Variants in TASP1 observed in about 807,000 individuals in gnomAD.
TASP1 encodes the protein taspase 1, also known as threonine aspartase 1.
In TASP1, 16 loss-of-function variants were observed where a neutral mutation model predicts 56.6. That is an observed-to-expected ratio of 0.28 (90% CI 0.19 to 0.43). TASP1 has a LOEUF of 0.43. TASP1 is among the 20% of genes least tolerant of loss of function. The pLI is 1.00. For synonymous variants in TASP1, 179 were observed against 184.2 expected, an observed-to-expected ratio of 0.97 and a Z score of 0.23; for missense variants, 393 against 511.6, an observed-to-expected ratio of 0.77 and a Z score of 2.24.
At chr20:13,298,953 T>C in the TASP1 span, 1 of 1,613,438 alleles carries the variant, frequency 6.2e-7, no homozygotes, top group Non-Finnish European at 8.5e-7. Context: ...CACAGACAGC[T>C]GTGAGCGCTG....
chr20:13,512,024 G>C (rs900675199), intron 10 of TASP1, among the ~76,000 whole-genome samples: 1 of 151,990 alleles, frequency 6.6e-6, no homozygotes, highest in Admixed American at 6.6e-5. Context: ...ACTTGGGTTG[G>C]TTCCAAGTCT....
the TASP1 span, among the ~76,000 whole-genome samples, chr20:13,328,533 A>G: frequency 6.6e-6 from 1 of 152,226 alleles, no homozygotes; most frequent in Middle Eastern, 3.2e-3. Flanking sequence ...ACTATTCACA[A>G]TAGCAAAGAC....
chr20:13,118,838 T>A, the TASP1 span, among the ~76,000 whole-genome samples: 2 of 152,258 alleles, frequency 1.3e-5, no homozygotes, highest in Non-Finnish European at 2.9e-5. Flanking sequence ...AGCTCATGAT[T>A]TAAAACAACA....
In TASP1 at chr20:13,623,469, T is replaced by C. The variant is rs139152946; in HGVS notation, c.259A>G (p.Thr87Ala). 2.7e-5 allele frequency: 43 copies of C among 1,608,068 alleles called. No homozygotes were observed. In the African/African-American group the frequency reaches 5.5e-4, roughly 20 times the overall value. The change falls in exon 4 of 14, where the codon ACT becomes GCT. Residue 87 changes from threonine to alanine, a missense_variant. Physicochemically the swap from Thr to Ala is moderately conservative, Grantham distance 58. Around this residue, in one of 3 missense-constraint regions of TASP1, gnomAD observed 48 missense variants for 106.2 expected, o/e 0.45. Coordinates refer to ENST00000337743, the MANE Select transcript of TASP1 (RefSeq NM_017714.3). The part of the protein sequence containing the change: ...QAGALATDAV[T>A]AALVELEDSP... ...ACCTCAAGTTCCACCAGTGCTGCAGTGACTGCGTCAGTTGCAAGAGCACCG... is the reference window on the plus strand; with the variant it reads ...ACCTCAAGTTCCACCAGTGCTGCAGCGACTGCGTCAGTTGCAAGAGCACCG...
intron 10 of TASP1, among the ~76,000 whole-genome samples, chr20:13,488,728 C>G (rs76142810): frequency 0.2 from 30,404 of 152,080 alleles, 3,296 homozygotes; most frequent in Middle Eastern, 0.28. Context: ...GTGAACTCCT[C>G]AGTCACATCA....
the TASP1 span, chr20:13,221,874 C>G: frequency 7.1e-7 from 1 of 1,413,888 alleles, no homozygotes; most frequent in Non-Finnish European, 9.2e-7. Flanking sequence ...GCCGACGGGC[C>G]CGACGCGGCC....
chr20:13,413,967 A>C (rs2042172707), intron 13 of TASP1, among the ~76,000 whole-genome samples: 2 of 152,180 alleles, frequency 1.3e-5, no homozygotes, highest in African/African-American at 2.4e-5. Context: ...ATTATACACC[A>C]CAGTACAGTA....
chr20:13,164,829 G>GT, the TASP1 span: 21 of 1,613,638 alleles, frequency 1.3e-5, no homozygotes, highest in Non-Finnish European at 1.7e-5. Context: ...AGCACGTCCT[G>GT]AGCTCTATGA....
the TASP1 span, among the ~76,000 whole-genome samples, chr20:13,380,983 T>G: frequency 6.6e-6 from 1 of 152,192 alleles, no homozygotes; most frequent in Non-Finnish European, 1.5e-5. Context: ...CAGTGAGAAT[T>G]TCAAACCAGT....
At chr20:13,349,594 T>G in the TASP1 span, among the ~76,000 whole-genome samples, 2 of 152,202 alleles carry the variant, frequency 1.3e-5, no homozygotes, top group Non-Finnish European at 2.9e-5. Context: ...ATATCCAGTT[T>G]TGTTTTACGT....
At chr20:13,527,739 T>A (rs1332291598) in intron 10 of TASP1, among the ~76,000 whole-genome samples, 8 of 152,174 alleles carry the variant, frequency 5.3e-5, no homozygotes, top group Non-Finnish European at 1.2e-4. Flanking sequence ...TGTCATAAAC[T>A]GTATATTTGG....
At chr20:13,475,715 T>G (rs1231489597) in intron 11 of TASP1, among the ~76,000 whole-genome samples, 1 of 151,930 alleles carries the variant, frequency 6.6e-6, no homozygotes, top group African/African-American at 2.4e-5. Context: ...GCCAACATGG[T>G]GAAACCCCAT....
intron 8 of TASP1, among the ~76,000 whole-genome samples, chr20:13,557,134 T>C (rs1305247828): frequency 6.6e-6 from 1 of 151,988 alleles, no homozygotes; most frequent in African/African-American, 2.4e-5. Flanking sequence ...TAACCTGATC[T>C]CCACAAAAAG....
At chr20:13,306,143 T>C in the TASP1 span, among the ~76,000 whole-genome samples, 1 of 152,246 alleles carries the variant, frequency 6.6e-6, no homozygotes, top group Non-Finnish European at 1.5e-5. Context: ...TCATGGATGA[T>C]TTTCAAAATG....
the TASP1 span, among the ~76,000 whole-genome samples, chr20:13,196,564 G>A: frequency 6.6e-6 from 1 of 152,150 alleles, no homozygotes; most frequent in Admixed American, 6.6e-5. Context: ...ACATAAGGAT[G>A]TTCAGCACTT....
At chr20:13,357,266 G>T in the TASP1 span, among the ~76,000 whole-genome samples, 1 of 148,212 alleles carries the variant, frequency 6.7e-6, no homozygotes, top group South Asian at 2.1e-4. Flanking sequence ...CTTCAGATAA[G>T]TCTCTGAAAA....
the TASP1 span, among the ~76,000 whole-genome samples, chr20:13,152,693 C>G: frequency 6.6e-6 from 1 of 152,092 alleles, no homozygotes; most frequent in Non-Finnish European, 1.5e-5. Flanking sequence ...TGAATTATTC[C>G]AACTGATTAA....
the TASP1 span, among the ~76,000 whole-genome samples, chr20:13,241,811 G>A: frequency 1.3e-5 from 2 of 152,120 alleles, no homozygotes. Flanking sequence ...TGTCAAGTTG[G>A]ATGCTTTTAT....
chr20:13,144,096 A>T, the TASP1 span, among the ~76,000 whole-genome samples: 2 of 152,154 alleles, frequency 1.3e-5, no homozygotes, highest in African/African-American at 4.8e-5. Context: ...ATGATGATCT[A>T]ACTCTACTGA....
Sources: allele counts gnomAD v4.1 joint callset (sites outside exome capture counted in the v4.1 genomes callset), GRCh38; gene constraint gnomAD v4.1.1; regional missense constraint gnomAD v4.1.1; transcripts MANE v1.5; gene names NCBI Gene and HGNC (gene_info 2026-07-23, HGNC 2026-07-21).